Variants in SGCZ observed in about 807,000 individuals in gnomAD.
SGCZ encodes sarcoglycan zeta, also known as zeta-sarcoglycan.
SGCZ carries 40 observed loss-of-function variants against 41.3 expected under a neutral mutation model. The ratio of observed to expected loss-of-function variants is 0.97; its 90% CI spans 0.75 to 1.26. The LOEUF is 1.26. Ranked by LOEUF, SGCZ falls within the 50% of genes most tolerant of loss-of-function variation. The probability of loss-of-function intolerance (pLI) is 0.00; values close to 1 mark genes in which losing one functional copy is unlikely to be tolerated. For missense variants in SGCZ, 552 were observed against 369.8 expected (o/e 1.49, Z -4.04); for synonymous variants, 206 against 137.5 (o/e 1.50, Z -3.49).
intron 2 of SGCZ, among the ~76,000 whole-genome samples, chr8:14,511,852 A>G (rs1585614473): frequency 2.0e-5 from 3 of 152,140 alleles, no homozygotes; most frequent in Admixed American, 2.0e-4. Flanking sequence ...CTCTTAAAGG[A>G]CAGGGTATCC....
At chr8:14,113,504 A>C (rs1802435809) in intron 5 of SGCZ, among the ~76,000 whole-genome samples, 1 of 152,082 alleles carries the variant, frequency 6.6e-6, no homozygotes, top group Admixed American at 6.6e-5. Context: ...ATTAATAAAT[A>C]TTGATAAGGA....
rs562875573 is a variant in SGCZ at position 14,183,973 on chromosome 8, T to A, written c.425-19271A>T. Among the ~76,000 whole-genome samples the A allele has an allele frequency of 2.0e-5, 3 of 152,256 alleles. No homozygotes were observed. The East Asian group carries it at 5.8e-4, about 29-fold the overall frequency. On this transcript the variant is annotated intron_variant, in intron 4 of 7. Transcript: ENST00000382080. Reference sequence around the variant, plus strand: ...AATACTTATAGTTAAGAAGTGAACTTAGCAACGTCTCTGAATACAAGGCCA... The same window carrying A: ...AATACTTATAGTTAAGAAGTGAACTAAGCAACGTCTCTGAATACAAGGCCA...
chr8:14,897,403 C>T (rs1487106754), intron 1 of SGCZ, among the ~76,000 whole-genome samples: 1 of 152,106 alleles, frequency 6.6e-6, no homozygotes, highest in East Asian at 1.9e-4. Context: ...TGGCTTGTAA[C>T]GTTTAGCCCT....
chr8:14,555,273 T>C (rs1430430761), intron 1 of SGCZ, among the ~76,000 whole-genome samples: 1 of 152,076 alleles, frequency 6.6e-6, no homozygotes, highest in Non-Finnish European at 1.5e-5. Context: ...TGATACAGTT[T>C]GGATCTATGT....
At chr8:14,109,688 A>T (rs1245145184) in intron 5 of SGCZ, among the ~76,000 whole-genome samples, 2 of 152,216 alleles carry the variant, frequency 1.3e-5, no homozygotes, top group Non-Finnish European at 2.9e-5. Flanking sequence ...CAATTCCTTA[A>T]AACTAAATTG....
At chr8:14,557,642 T>C (rs1024047508) in intron 1 of SGCZ, among the ~76,000 whole-genome samples, 1 of 152,092 alleles carries the variant, frequency 6.6e-6, no homozygotes, top group Non-Finnish European at 1.5e-5. Flanking sequence ...ATCCTACACA[T>C]GGCTTGCCAA....
chr8:14,843,211 TA>T lies in SGCZ; in HGVS notation c.40-288286del, dbSNP rs575298498. On this transcript the variant is annotated intron_variant, in intron 1 of 7. Transcript: ENST00000382080. The stretch of plus-strand genomic sequence containing the variant: ...TGGGCAACAAAGTGAGAGTTGGTTT[TA>T]AAAAAAGAAAAAAAGAAGACTAGTT... Among the ~76,000 whole-genome samples, 373 of 151,872 alleles carry T rather than the reference TA, an allele frequency of 2.5e-3. 3 individuals are homozygous for T. Among genetic ancestry groups the T allele is most frequent in the African/African-American group, 8.8e-3 (363 of 41,432 alleles).
At chr8:15,024,630 G>A (rs1317630902) in intron 1 of SGCZ, among the ~76,000 whole-genome samples, 1 of 152,106 alleles carries the variant, frequency 6.6e-6, no homozygotes, top group East Asian at 1.9e-4. Context: ...GTTAGCAGAA[G>A]CATTAGTAAT....
chr8:14,319,999 G>A (rs866677284), intron 3 of SGCZ, among the ~76,000 whole-genome samples: 6 of 151,550 alleles, frequency 4.0e-5, no homozygotes, highest in East Asian at 1.9e-4. Context: ...TTATTTTTTC[G>A]ATTAAATTAC....
intron 2 of SGCZ, among the ~76,000 whole-genome samples, chr8:14,462,869 G>A (rs934950730): frequency 7.2e-6 from 1 of 138,276 alleles, no homozygotes; most frequent in African/African-American, 2.5e-5. Flanking sequence ...TGTCTTTTAA[G>A]AATTTTTTTT....
intron 2 of SGCZ, among the ~76,000 whole-genome samples, chr8:14,407,556 T>C (rs1170949061): frequency 2.0e-5 from 3 of 152,120 alleles, no homozygotes; most frequent in African/African-American, 4.8e-5. Flanking sequence ...AGATGATAAA[T>C]ATAAATCAAA....
At chr8:14,338,614 C>A (rs1802583593) in intron 2 of SGCZ, among the ~76,000 whole-genome samples, 1 of 152,128 alleles carries the variant, frequency 6.6e-6, no homozygotes, top group Non-Finnish European at 1.5e-5. Context: ...TATTGAAATG[C>A]AATAAAATGC....
chr8:14,693,044 C>T (rs1379019710), intron 1 of SGCZ, among the ~76,000 whole-genome samples: 3 of 152,028 alleles, frequency 2.0e-5, no homozygotes, highest in Non-Finnish European at 4.4e-5. Context: ...TAATTAGTTT[C>T]TCTGTTTATA....
At chr8:14,388,902 T>C (rs1377436733) in intron 2 of SGCZ, among the ~76,000 whole-genome samples, 1 of 151,610 alleles carries the variant, frequency 6.6e-6, no homozygotes, top group Non-Finnish European at 1.5e-5. Context: ...ACAAAGGAAT[T>C]AGCATTAAAG....
intron 1 of SGCZ, among the ~76,000 whole-genome samples, chr8:15,077,313 T>C (rs1204976814): frequency 2.0e-5 from 3 of 152,184 alleles, no homozygotes; most frequent in African/African-American, 4.8e-5. Context: ...AATAAACCCA[T>C]GCAGTAAAAA....
At chr8:14,433,746 T>C (rs1463993736) in intron 2 of SGCZ, among the ~76,000 whole-genome samples, 1 of 152,186 alleles carries the variant, frequency 6.6e-6, no homozygotes, top group Non-Finnish European at 1.5e-5. Context: ...GAAAATAAAA[T>C]ATAAACATTG....
intron 5 of SGCZ, among the ~76,000 whole-genome samples, chr8:14,162,354 G>A (rs2116979233): frequency 6.6e-6 from 1 of 152,210 alleles, no homozygotes; most frequent in Non-Finnish European, 1.5e-5. Context: ...TCAGGATTAT[G>A]TTGGTCTCAA....
rs1801471032 is a variant in SGCZ, at chr8:14,479,727, ACTTCTTT to A, written c.234+74998_234+75004del. On this transcript the variant is annotated intron_variant, in intron 2 of 7. Coordinates refer to ENST00000382080, the MANE Select transcript of SGCZ (RefSeq NM_139167.4). Reference sequence around the variant, plus strand: ...CCAGGTCGCATACCTCCAGAATTCTACTTCTTTTTTTTTTTTTTTTTTTTTTTTTTTT... The same window carrying A: ...CCAGGTCGCATACCTCCAGAATTCTATTTTTTTTTTTTTTTTTTTTTTTTT... 6.4e-5 allele frequency among the ~76,000 whole-genome samples: 7 copies of A among 109,388 alleles called. 1 individual carries two copies. Among genetic ancestry groups the A allele is most frequent in the African/African-American group, 2.6e-4 (7 of 26,500 alleles). 71.8% of individuals were successfully genotyped at this position (109,388 alleles called of 152,430 possible).
At chr8:14,917,814 A>G (rs149298642) in intron 1 of SGCZ, among the ~76,000 whole-genome samples, 1 of 152,260 alleles carries the variant, frequency 6.6e-6, no homozygotes, top group African/African-American at 2.4e-5. Context: ...GTACCATATC[A>G]CATGTGCCTT....
Sources: gnomAD v4.1 joint callset for allele counts (sites outside exome capture counted in the v4.1 genomes callset) on GRCh38, gnomAD v4.1.1 for gene constraint, MANE v1.5 for transcripts, NCBI Gene and HGNC (gene_info 2026-07-23, HGNC 2026-07-21) for gene names.